The following CBY2 variants were observed in gnomAD, a reference collection of about 807,000 sequenced individuals.
CBY2 encodes the protein protein chibby homolog 2.
A neutral mutation model predicts 25.3 loss-of-function variants in CBY2; 23 were observed. The observed-to-expected ratio is 0.91, with a 90% confidence interval of 0.65 to 1.29. The LOEUF is 1.29. Among genes scored for constraint, CBY2 ranks in the 50% most tolerant of loss-of-function variants. The pLI, the probability that CBY2 is intolerant of heterozygous loss-of-function variation, is 0.00. For missense variants in CBY2, 642 were observed against 590.7 expected, an observed-to-expected ratio of 1.09 and a Z score of -0.90; for synonymous variants, 279 against 260.2, an observed-to-expected ratio of 1.07 and a Z score of -0.70.
chr13:45,703,579 A>C, intron 2 of CBY2: 2 of 1,551,008 alleles, frequency 1.3e-6, no homozygotes, highest in Non-Finnish European at 1.7e-6. Flanking sequence ...GGATGGAGGA[A>C]TCCAATGCAG....
At chr13:45,706,193 C>T (rs1329870988) in intron 2 of CBY2, among the ~76,000 whole-genome samples, 1 of 152,168 alleles carries the variant, frequency 6.6e-6, no homozygotes, top group Non-Finnish European at 1.5e-5. Context: ...TTCAATTGTC[C>T]CCTTCCCCCA....
At chr13:45,706,104 T>C (rs886929653) in intron 2 of CBY2, among the ~76,000 whole-genome samples, 3 of 152,232 alleles carry the variant, frequency 2.0e-5, no homozygotes, top group Non-Finnish European at 4.4e-5. Flanking sequence ...ACAAGTCCTG[T>C]AGCACTAGTA....
chr13:45,705,833 G>A (rs1157685186), intron 2 of CBY2, among the ~76,000 whole-genome samples: 2 of 152,176 alleles, frequency 1.3e-5, no homozygotes, highest in Admixed American at 1.3e-4. Context: ...ATGGCTGAAT[G>A]TTCTCTGATA....
rs1211414922 is a variant in CBY2, at chr13:45,713,947, T to C, written c.922T>C (p.Phe308Leu). The C allele has an allele frequency of 6.5e-7, 1 of 1,532,760 alleles. No homozygotes were observed. Among genetic ancestry groups the C allele is most frequent in the South Asian group, 1.2e-5 (1 of 83,620 alleles). The allele number at this position is 1,532,760 out of a possible 1,614,324, so 94.9% of individuals were successfully genotyped here. A position where few individuals can be genotyped will look rare whatever the true frequency, so the allele number is the denominator to read the frequency against. ...QDQGSGLSSRFEEPKGPPARQ... is the reference protein window; with the variant it reads ...QDQGSGLSSRLEEPKGPPARQ... ...CCAGGGCTCCGGCCTCTCCTCCCGC[T>C]TCGAGGAGCCCAAAGGGCCTCCGGC... The change falls in exon 3 of 3, where the codon TTC becomes CTC. Residue 308 changes from phenylalanine to leucine, a missense_variant. Transcript: ENST00000310521. The surrounding 1 kb of genome is among the most constrained non-coding windows in gnomAD (Gnocchi z 5.0).
Position 45,702,470 on chromosome 13 carries a change from G to A in CBY2, c.75+5G>A, listed in dbSNP as rs1950215387. The A allele has an allele frequency of 3.1e-6, 5 of 1,611,648 alleles. No individual in the cohort carries two copies. Among genetic ancestry groups the A allele is most frequent in the Non-Finnish European group, 4.2e-6 (5 of 1,177,712 alleles). On this transcript the variant is annotated splice_donor_5th_base_variant and intron_variant, in intron 1 of 2. Transcript: ENST00000310521. Reference sequence around the variant, plus strand: ...TATACCTGGCAACTCACATTGGTATGGCTTTTTACTTGAGATAGAAATAAT... The same window carrying A: ...TATACCTGGCAACTCACATTGGTATAGCTTTTTACTTGAGATAGAAATAAT...
rs1415633587 is a variant in CBY2 at position 45,713,974 on chromosome 13, C to T, written c.949C>T (p.Arg317Trp). Residue 317 changes from arginine to tryptophan, a missense_variant, in exon 3 of 3, where the codon CGG becomes TGG. By Grantham distance (101) the Arg-to-Trp change is moderately radical (BLOSUM62 -3). Coordinates refer to ENST00000310521, the MANE Select transcript of CBY2 (RefSeq NM_152719.3). This position sits in a 1 kb window ranked among gnomAD's most constrained non-coding sequence, Gnocchi z 5.0. ...CGAGGAGCCCAAAGGGCCTCCGGCC[C>T]GGCAGGAGGACTCCAAGGAGCTGCG... is the stretch of plus-strand genomic sequence containing the variant. The part of the protein sequence containing the change: ...RFEEPKGPPA[R>W]QEDSKELRAL... 9.9e-6 allele frequency: 15 copies of T among 1,514,638 alleles called. No individual in the cohort carries two copies. The African/African-American group carries it at 1.3e-4, about 13-fold the overall frequency. 93.8% of individuals were successfully genotyped at this position (1,514,638 alleles called of 1,614,324 possible).
chr13:45,704,388 C>CAGCCTT lies in CBY2; in HGVS notation c.156+1533_156+1534insAGCCTT, dbSNP rs1950228673. On this transcript the variant is annotated intron_variant, in intron 2 of 2. Transcript: ENST00000310521. The surrounding 1 kb of genome is among the most constrained non-coding windows in gnomAD (Gnocchi z 4.1). ...TGAGAGGATATCTCCTGTCTGGGCA[C>CAGCCTT]GTGTACCTCACAAGGGCAGATGCAG... 6.6e-6 allele frequency among the ~76,000 whole-genome samples: 1 copy of CAGCCTT among 152,126 alleles called. No homozygotes were observed. Among genetic ancestry groups the CAGCCTT allele is most frequent in the South Asian group, 2.1e-4 (1 of 4,822 alleles).
intron 2 of CBY2, among the ~76,000 whole-genome samples, chr13:45,710,478 G>C (rs571275534): frequency 6.6e-6 from 1 of 152,106 alleles, no homozygotes; most frequent in Non-Finnish European, 1.5e-5. Flanking sequence ...AGCCGAAATC[G>C]TACCACTGCA....
intron 2 of CBY2, among the ~76,000 whole-genome samples, chr13:45,712,493 A>C (rs1482475343): frequency 6.6e-6 from 1 of 152,242 alleles, no homozygotes; most frequent in Admixed American, 6.5e-5. Context: ...GTATCCACCA[A>C]ATCAATACTT....
In CBY2 at chr13:45,713,090, G is replaced by T; in HGVS notation, c.157-92G>T. ...TGGCCAGGCCAGACAATCAGACGGG[G>T]CTTATTTGGGGATGTCCTGGCCCCT... On this transcript the variant is annotated intron_variant, in intron 2 of 2. Coordinates refer to ENST00000310521, the MANE Select transcript of CBY2 (RefSeq NM_152719.3). The surrounding 1 kb of genome is among the most constrained non-coding windows in gnomAD (Gnocchi z 5.0). The T allele has an allele frequency of 9.6e-7, 1 of 1,037,360 alleles. No individual in the cohort carries two copies. The allele number at this position is 1,037,360 out of a possible 1,614,324, so 64.3% of individuals were successfully genotyped here. A position where few individuals can be genotyped will look rare whatever the true frequency, so the allele number is the denominator to read the frequency against.
intron 2 of CBY2, among the ~76,000 whole-genome samples, chr13:45,708,306 T>C (rs987361119): frequency 6.6e-6 from 1 of 152,244 alleles, no homozygotes; most frequent in Non-Finnish European, 1.5e-5. Flanking sequence ...TTATCATTTC[T>C]AGTCCCCTAT....
chr13:45,706,875 T>A (rs1314810162), intron 2 of CBY2, among the ~76,000 whole-genome samples: 1 of 152,160 alleles, frequency 6.6e-6, no homozygotes, highest in Non-Finnish European at 1.5e-5. Context: ...TGGAACTGCA[T>A]ATGTTCGCTG....
At position 45,710,959 on chromosome 13, in the gene CBY2, T is replaced by C. The variant is rs564927325; in HGVS notation, c.157-2223T>C. The stretch of plus-strand genomic sequence containing the variant: ...TTCTCTCTCTACATACACCCACACA[T>C]ATATATATAATGTAGTTAGCCTGAC... On this transcript the variant is annotated intron_variant, in intron 2 of 2. Coordinates refer to ENST00000310521, the MANE Select transcript of CBY2 (RefSeq NM_152719.3). Among the ~76,000 whole-genome samples, 82 of 152,274 alleles carry C rather than the reference T, an allele frequency of 5.4e-4. 1 individual carries two copies. The highest frequency in any genetic ancestry group is 1.9e-3 in the African/African-American group (79 of 41,548).
chr13:45,708,286 T>C (rs1950250795), intron 2 of CBY2, among the ~76,000 whole-genome samples: 1 of 152,234 alleles, frequency 6.6e-6, no homozygotes, highest in Admixed American at 6.5e-5. Context: ...GCCAGAATTC[T>C]CTGGAGATGT....
rs781536192 is a variant in CBY2, at chr13:45,713,240, C to G, written c.215C>G (p.Ala72Gly). The G allele has an allele frequency of 1.1e-5, 18 of 1,613,500 alleles. No homozygotes were observed. The highest frequency in any genetic ancestry group is 1.4e-5 in the Non-Finnish European group (16 of 1,179,916). Residue 72 changes from alanine (A) to glycine (G), a missense_variant, in exon 3 of 3, where the codon GCG becomes GGG. Transcript: ENST00000310521. This position sits in a 1 kb window ranked among gnomAD's most constrained non-coding sequence, Gnocchi z 5.0. Reference sequence around the variant, plus strand: ...AACTTGTACAGCACCCCTCGCTGCGCGCAGCAGGCCGCCCTGCCCCGGCTG... The same window carrying G: ...AACTTGTACAGCACCCCTCGCTGCGGGCAGCAGGCCGCCCTGCCCCGGCTG... The part of the protein sequence containing the change: ...LHNLYSTPRC[A>G]QQAALPRLSR...
chr13:45,706,829 C>T lies in CBY2; in HGVS notation c.156+3974C>T, dbSNP rs540964720. On this transcript the variant is annotated intron_variant, in intron 2 of 2. Coordinates refer to ENST00000310521, the MANE Select transcript of CBY2 (RefSeq NM_152719.3). ...GTCGAGGAGTCCTACTGAGAAGGAA[C>T]TGGCTTCTAACATAGGCCAAGGAGG... is the stretch of plus-strand genomic sequence containing the variant. 7.9e-5 allele frequency among the ~76,000 whole-genome samples: 12 copies of T among 152,290 alleles called. No homozygotes were observed. In the South Asian group the frequency reaches 2.3e-3, roughly 29 times the overall value.
At chr13:45,702,732 T>G in intron 1 of CBY2, 43 bp from the exon 2 acceptor site, 24 of 1,510,826 alleles carry the variant, frequency 1.6e-5, no homozygotes, top group South Asian at 2.3e-5. Context: ...GCCCAGAGGA[T>G]GAGCTGGGAA....
chr13:45,702,807 T>G lies in CBY2; in HGVS notation c.108T>G (p.Asp36Glu). ...GGCCAAATTATACAAGAAAAAGAGA[T>G]ACCAGATCTGAAAGCCTAGAAATTC... is the stretch of plus-strand genomic sequence containing the variant. ...HSRPNYTRKR[D>E]TRSESLEIPI... The change falls in exon 2 of 3, where the codon GAT (aspartate) becomes GAG (glutamate). Residue 36 changes from aspartate to glutamate, a missense_variant. Transcript: ENST00000310521. 1 of 1,614,138 alleles carries G rather than the reference T, an allele frequency of 6.2e-7. No homozygotes were observed. Among genetic ancestry groups the G allele is most frequent in the Non-Finnish European group, 8.5e-7 (1 of 1,179,970 alleles).
chr13:45,703,001 C>T lies in CBY2; in HGVS notation c.156+146C>T, dbSNP rs533116324. Reference sequence around the variant, plus strand: ...ATAGTTTGGGTTGGGTGCCAGCAGGCGGTGTGCTGGGGAAGGCCACATAGC... The same window carrying T: ...ATAGTTTGGGTTGGGTGCCAGCAGGTGGTGTGCTGGGGAAGGCCACATAGC... On this transcript the variant is annotated intron_variant, in intron 2 of 2. Coordinates refer to ENST00000310521, the MANE Select transcript of CBY2 (RefSeq NM_152719.3). 15 of 1,107,354 alleles carry T rather than the reference C, an allele frequency of 1.4e-5. No individual in the cohort carries two copies. The South Asian group carries it at 1.6e-4, about 12-fold the overall frequency. The allele number at this position is 1,107,354 out of a possible 1,614,324, so 68.6% of individuals were successfully genotyped here.
Sources: gnomAD v4.1 joint callset for allele counts (sites outside exome capture counted in the v4.1 genomes callset) on GRCh38, gnomAD v4.1.1 for gene constraint, Gnocchi (gnomAD v3.1) non-coding constraint, MANE v1.5 for transcripts, NCBI Gene and HGNC (gene_info 2026-07-23, HGNC 2026-07-21) for gene names.